The following ZDHHC7 variants were observed in gnomAD, a reference collection of about 807,000 sequenced individuals.
ZDHHC7 encodes the protein zDHHC palmitoyltransferase 7, also known as palmitoyltransferase ZDHHC7.
ZDHHC7 carries 12 observed loss-of-function variants against 34.1 expected under a neutral mutation model. The observed-to-expected ratio is 0.35, with a 90% confidence interval of 0.23 to 0.57. The LOEUF is 0.57. Among genes scored for constraint, ZDHHC7 ranks in the 20% least tolerant of loss-of-function variants. The pLI, the probability that ZDHHC7 is intolerant of heterozygous loss-of-function variation, is 0.84. For synonymous variants in ZDHHC7, 185 were observed against 155.4 expected (o/e 1.19, Z -1.42); for missense variants, 388 against 402.7 (o/e 0.96, Z 0.31).
At chr16:84,978,592 G>A (rs973485120) in intron 5 of ZDHHC7, among the ~76,000 whole-genome samples, 1 of 152,038 alleles carries the variant, frequency 6.6e-6, no homozygotes, top group African/African-American at 2.4e-5. Context: ...GCCGGGCACG[G>A]TGGCTCACGA....
Position 84,976,504 on chromosome 16 carries a change from T to A in ZDHHC7, c.766A>T (p.Lys256Ter), listed in dbSNP as rs2072299082. 1 of 1,613,422 alleles carries A rather than the reference T, an allele frequency of 6.2e-7. No homozygotes were observed. Among genetic ancestry groups the A allele is most frequent in the African/African-American group, 1.3e-5 (1 of 74,844 alleles). Residue 256 changes from lysine (K) to a stop codon, truncating the protein, a stop_gained, in exon 8 of 8, where the codon AAA becomes TAA. Coordinates refer to ENST00000313732, the MANE Select transcript of ZDHHC7 (RefSeq NM_017740.3). LOFTEE classifies it high-confidence loss of function. ...CGCTCCCATGTGGGCTTCTCACTTT[T>A]CAATCGCTCGATCTCCTGGAAGCAG... ...CNDETEIERLKSEKPTWERRL... is the reference protein window; with the variant it reads ...CNDETEIERL
At position 84,976,349 on chromosome 16, in the gene ZDHHC7, T is replaced by C; in HGVS notation, c.921A>G (p.Ser307=). The change falls in exon 8 of 8, where the codon TCA becomes TCG. Residue 307 remains serine, a synonymous_variant. Transcript: ENST00000313732. ...TRPRKGGPEF[S]V Reference sequence around the variant, plus strand: ...CAGTCTGATGAGCCACGCCTCACACTGAGAACTCCGGGCCACCTTTTCTGG... The same window carrying C: ...CAGTCTGATGAGCCACGCCTCACACCGAGAACTCCGGGCCACCTTTTCTGG... The C allele has an allele frequency of 6.2e-7, 1 of 1,613,846 alleles. No homozygotes were observed. The highest frequency in any genetic ancestry group is 1.7e-5 in the Admixed American group (1 of 59,884).
Position 84,974,686 on chromosome 16 carries a change from A to G in ZDHHC7, c.*1657T>C, listed in dbSNP as rs951001688. On this transcript the variant is annotated 3_prime_UTR_variant, in exon 8 of 8. Transcript: ENST00000313732. ...AATGTGCAAATGAATATGCAGAACAATCTCGGAAACTGGCGTCTCCAGGAT... is the reference window on the plus strand; with the variant it reads ...AATGTGCAAATGAATATGCAGAACAGTCTCGGAAACTGGCGTCTCCAGGAT... 9 of 152,698 alleles carry G rather than the reference A, an allele frequency of 5.9e-5. No homozygotes were observed. The highest frequency in any genetic ancestry group is 2.2e-4 in the African/African-American group (9 of 41,440). The allele number at this position is 152,698 out of a possible 1,614,324, so 9.5% of individuals were successfully genotyped here.
At chr16:85,007,085 G>C (rs1444273298) in intron 1 of ZDHHC7, among the ~76,000 whole-genome samples, 2 of 151,986 alleles carry the variant, frequency 1.3e-5, no homozygotes, top group Non-Finnish European at 2.9e-5. Flanking sequence ...ATGGAGTCTG[G>C]GTTTGATTAG....
At chr16:85,013,233 T>TTTA (rs202099440), upstream of ZDHHC7, among the ~76,000 whole-genome samples, 22 of 152,146 alleles carry the variant, frequency 1.4e-4, no homozygotes, top group South Asian at 3.3e-3. Context: ...GTATTGTTCT[T>TTTA]TTATTATTAT....
intron 3 of ZDHHC7, among the ~76,000 whole-genome samples, chr16:84,986,484 A>G (rs1234171813): frequency 6.6e-6 from 1 of 152,200 alleles, no homozygotes; most frequent in Non-Finnish European, 1.5e-5. Flanking sequence ...GAAGGCTCGT[A>G]GGCATCCACG....
chr16:84,981,963 T>C lies in ZDHHC7; in HGVS notation c.347A>G (p.Glu116Gly). Reference protein sequence around the residue: ...GAVPKGNATKEYMESLQLKPG... With the variant: ...GAVPKGNATKGYMESLQLKPG... The stretch of plus-strand genomic sequence containing the variant: ...CTTCAGCTGCAAGCTCTCCATGTAT[T>C]CTTTCGTAGCGTTTCCTTTGGGTAC... The change falls in exon 4 of 8, where the codon GAA becomes GGA. Residue 116 changes from glutamate to glycine, a missense_variant. Transcript: ENST00000313732. 6 of 1,614,218 alleles carry C rather than the reference T, an allele frequency of 3.7e-6. No homozygotes were observed. Among genetic ancestry groups the C allele is most frequent in the Non-Finnish European group, 4.2e-6 (5 of 1,180,036 alleles).
intron 1 of ZDHHC7, among the ~76,000 whole-genome samples, chr16:85,009,431 T>C (rs983582042): frequency 1.3e-5 from 2 of 152,180 alleles, no homozygotes; most frequent in East Asian, 3.9e-4. Flanking sequence ...GTTCATTGAT[T>C]AGCAGGGCTG....
At chr16:85,008,450 C>G (rs2072746050) in intron 1 of ZDHHC7, among the ~76,000 whole-genome samples, 1 of 151,872 alleles carries the variant, frequency 6.6e-6, no homozygotes, top group Non-Finnish European at 1.5e-5. Flanking sequence ...GCTTCCCCAT[C>G]TGGTACTTCC....
At chr16:84,992,223 G>A (rs1450127648) in intron 2 of ZDHHC7, among the ~76,000 whole-genome samples, 5 of 151,920 alleles carry the variant, frequency 3.3e-5, no homozygotes, top group Admixed American at 6.6e-5. Context: ...TAACCCCAGC[G>A]CTTTCAGAGG....
chr16:85,007,773 T>A (rs1484648545), intron 1 of ZDHHC7, among the ~76,000 whole-genome samples: 2 of 152,034 alleles, frequency 1.3e-5, no homozygotes, highest in Non-Finnish European at 2.9e-5. Flanking sequence ...CATTTGTCAA[T>A]GGCAAAGCAC....
upstream of ZDHHC7, among the ~76,000 whole-genome samples, chr16:85,013,927 A>C (rs1364386244): frequency 6.6e-6 from 1 of 152,082 alleles, no homozygotes; most frequent in African/African-American, 2.4e-5. Context: ...ACCTCAGGTA[A>C]TCCACCCACC....
chr16:84,989,694 CAAAAAA>C (rs35823318), intron 3 of ZDHHC7, among the ~76,000 whole-genome samples: 4 of 96,472 alleles, frequency 4.1e-5, no homozygotes, highest in Non-Finnish European at 6.2e-5. Flanking sequence ...AACTCCGTCT[CAAAAAA>C]AAAAAAAAAA....
chr16:84,988,751 C>T, intron 3 of ZDHHC7: 2 of 1,550,668 alleles, frequency 1.3e-6, no homozygotes, highest in Non-Finnish European at 8.7e-7. Context: ...CATGTGCCTA[C>T]CCCACACTCA....
At chr16:85,018,609 G>A in the ZDHHC7 span, among the ~76,000 whole-genome samples, 7 of 151,980 alleles carry the variant, frequency 4.6e-5, no homozygotes, top group South Asian at 4.2e-4. Flanking sequence ...CACCACGCCC[G>A]GCTCATTTTG....
chr16:85,006,239 G>A (rs953286254), intron 1 of ZDHHC7, among the ~76,000 whole-genome samples: 1 of 151,968 alleles, frequency 6.6e-6, no homozygotes, highest in Non-Finnish European at 1.5e-5. Context: ...CACAGCTGTA[G>A]TCCCAGCTAC....
chr16:84,983,873 G>A (rs1408715793), intron 3 of ZDHHC7, among the ~76,000 whole-genome samples: 6 of 150,894 alleles, frequency 4.0e-5, no homozygotes, highest in South Asian at 2.1e-4. Flanking sequence ...GGTGGCCTGC[G>A]CTTGTAATAT....
intron 1 of ZDHHC7, among the ~76,000 whole-genome samples, chr16:84,999,767 G>C (rs2072629824): frequency 6.6e-6 from 1 of 152,206 alleles, no homozygotes; most frequent in African/African-American, 2.4e-5. Flanking sequence ...CCTGTATCTT[G>C]AGAGGGAAGT....
At chr16:85,000,790 C>CA (rs1242684088) in intron 1 of ZDHHC7, among the ~76,000 whole-genome samples, 2 of 152,196 alleles carry the variant, frequency 1.3e-5, no homozygotes, top group Admixed American at 6.5e-5. Flanking sequence ...GATGTGCAGC[C>CA]AAAGACAGCC....
Sources: allele counts gnomAD v4.1 joint callset (sites outside exome capture counted in the v4.1 genomes callset), GRCh38; gene constraint gnomAD v4.1.1; transcripts MANE v1.5; gene names NCBI Gene and HGNC (gene_info 2026-07-23, HGNC 2026-07-21).